Variants in HCK observed in about 807,000 individuals in gnomAD.
The protein encoded by HCK is tyrosine-protein kinase HCK.
Under a neutral mutation model 70.4 loss-of-function variants are expected in HCK, and 40 were observed. The observed-to-expected ratio is 0.57, with a 90% confidence interval of 0.44 to 0.74. HCK has a LOEUF of 0.74. Among genes scored for constraint, HCK ranks in the 30% least tolerant of loss-of-function variants. The pLI, the probability that HCK is intolerant of heterozygous loss-of-function variation, is 0.00. For missense variants in HCK, 568 were observed against 697.2 expected (o/e 0.81, Z 2.09); for synonymous variants, 245 against 263.2 (o/e 0.93, Z 0.67).
At chr20:32,052,668 G>T (rs1016599185) in intron 1 of HCK, among the ~76,000 whole-genome samples, 182 bp downstream of exon 1, 2 of 152,042 alleles carry the variant, frequency 1.3e-5, no homozygotes, top group African/African-American at 4.8e-5. Flanking sequence ...AGTGGAGGGT[G>T]CCCTAGGGAG....
rs113884718 is a variant in HCK at position 32,064,216 on chromosome 20, A to G, written c.63-7446A>G. ...GATGGGGTTTCACCATGTTGGACAA[A>G]CTCCTGACCTCTGGTGATCCACCTG... On this transcript the variant is annotated intron_variant, in intron 1 of 12. Coordinates refer to ENST00000375852, the MANE Select transcript of HCK (RefSeq NM_002110.5). Among the ~76,000 whole-genome samples the G allele has an allele frequency of 5.9e-3, 886 of 149,828 alleles. 11 individuals are homozygous for G. The highest frequency in any genetic ancestry group is 0.021 in the African/African-American group (852 of 40,866).
intron 11 of HCK, among the ~76,000 whole-genome samples, chr20:32,096,561 G>A (rs2045959260): frequency 6.6e-6 from 1 of 150,848 alleles, no homozygotes. Flanking sequence ...TAGTGGAGGG[G>A]TGAGATCATA....
At chr20:32,089,401 T>G (rs2045834376) in intron 10 of HCK, among the ~76,000 whole-genome samples, 1 of 152,218 alleles carries the variant, frequency 6.6e-6, no homozygotes, top group African/African-American at 2.4e-5. Flanking sequence ...TTAAGTGGCT[T>G]GCACAAGTTA....
rs1005592872 is a variant in HCK, at chr20:32,099,138, A to C, written c.1378+3A>C. 6 of 1,613,750 alleles carry C rather than the reference A, an allele frequency of 3.7e-6. No individual in the cohort carries two copies. The highest frequency in any genetic ancestry group is 1.3e-5 in the African/African-American group (1 of 74,880). ...CTACGGCCGGATCCCTTACCCAGGT[A>C]GGGAAGGGGCATCAGCTCAGGGCTG... is the stretch of plus-strand genomic sequence containing the variant. On this transcript the variant is annotated splice_donor_region_variant and intron_variant, in intron 12 of 12. Coordinates refer to ENST00000375852, the MANE Select transcript of HCK (RefSeq NM_002110.5).
intron 1 of HCK, among the ~76,000 whole-genome samples, chr20:32,065,996 A>G (rs1216269317): frequency 6.6e-6 from 1 of 152,140 alleles, no homozygotes; most frequent in Non-Finnish European, 1.5e-5. Context: ...GGGGACTGAG[A>G]TTCTGCATTT....
At chr20:32,098,337 A>T (rs547184260) in intron 11 of HCK, among the ~76,000 whole-genome samples, 18 of 152,174 alleles carry the variant, frequency 1.2e-4, no homozygotes, top group East Asian at 7.7e-4. Flanking sequence ...GGCCAAAAAA[A>T]TTTTTTTAAT....
chr20:32,072,944 T>C (rs1432998045), intron 2 of HCK, among the ~76,000 whole-genome samples: 2 of 151,738 alleles, frequency 1.3e-5, no homozygotes, highest in African/African-American at 2.4e-5. Flanking sequence ...CTACTAAAAA[T>C]ACAAAATTAG....
chr20:32,099,404 C>A (rs957579155), intron 12 of HCK, among the ~76,000 whole-genome samples: 32 of 134,674 alleles, frequency 2.4e-4, no homozygotes, highest in Admixed American at 1.7e-3. Context: ...GTCACCCAGG[C>A]TGGAGTGCAG....
In HCK at chr20:32,084,484, G is replaced by A. The variant is rs763893178; in HGVS notation, c.776G>A (p.Arg259Gln). The stretch of plus-strand genomic sequence containing the variant: ...GAGAAAGATGCCTGGGAGATCCCTC[G>A]GGAATCCCTCAAGCTGGAGAAGAAA... Residue 259 changes from arginine (R) to glutamine (Q), a missense_variant, in exon 8 of 13, where the codon CGG (arginine) becomes CAG (glutamine). Transcript: ENST00000375852. 20 of 1,613,948 alleles carry A rather than the reference G, an allele frequency of 1.2e-5. No homozygotes were observed. Among genetic ancestry groups the A allele is most frequent in the East Asian group, 4.5e-5 (2 of 44,882 alleles).
At chr20:32,099,188 G>C (rs1175435608) in intron 12 of HCK, 53 bp downstream of exon 12, 2 of 1,581,542 alleles carry the variant, frequency 1.3e-6, no homozygotes, top group African/African-American at 1.3e-5. Flanking sequence ...TCTGGCAATG[G>C]GCTCATCTCA....
intron 1 of HCK, chr20:32,054,251 A>G (rs929354820): frequency 2.2e-6 from 1 of 456,254 alleles, no homozygotes; most frequent in African/African-American, 2.0e-5. Flanking sequence ...TCCTTCCAGG[A>G]TGTGCCTCTG....
At chr20:32,072,034 G>C in intron 2 of HCK, 1 of 503,158 alleles carries the variant, frequency 2.0e-6, no homozygotes, top group Non-Finnish European at 3.5e-6. Context: ...AAACAGGTGT[G>C]AGTGAGCATC....
Position 32,052,361 on chromosome 20 carries a change from C to T in HCK, c.-64C>T. 8.5e-7 allele frequency: 1 copy of T among 1,177,256 alleles called. No individual in the cohort carries two copies. Among genetic ancestry groups the T allele is most frequent in the South Asian group, 3.1e-5 (1 of 31,774 alleles). The allele number at this position is 1,177,256 out of a possible 1,614,324, so 72.9% of individuals were successfully genotyped here. The stretch of plus-strand genomic sequence containing the variant: ...CCAAAGCCCCTCAGAGCGTCGCCCC[C>T]GCCTCTAGTTCTAGAAAGTCAGTTT... On this transcript the variant is annotated 5_prime_UTR_variant, in exon 1 of 13. Coordinates refer to ENST00000375852, the MANE Select transcript of HCK (RefSeq NM_002110.5).
intron 11 of HCK, among the ~76,000 whole-genome samples, chr20:32,094,374 C>T (rs947416715): frequency 3.9e-5 from 6 of 152,082 alleles, no homozygotes; most frequent in Admixed American, 1.3e-4. Flanking sequence ...TATAATACCA[C>T]GCAGTGATGA....
intron 5 of HCK, among the ~76,000 whole-genome samples, chr20:32,079,537 G>A (rs1600726697): frequency 6.6e-6 from 1 of 152,066 alleles, no homozygotes; most frequent in Non-Finnish European, 1.5e-5. Flanking sequence ...AATTGCATAG[G>A]CTTCAGTCTC....
chr20:32,059,279 T>TCTTCCTTCCTTC (rs11272727), intron 1 of HCK, among the ~76,000 whole-genome samples: 18,223 of 145,908 alleles, frequency 0.12, 1,965 homozygotes, highest in African/African-American at 0.28. Context: ...AATGTTTTAA[T>TCTTCCTTCCTTC]CTTCCTTCCT....
intron 1 of HCK, among the ~76,000 whole-genome samples, chr20:32,067,076 G>A (rs2045469877): frequency 6.6e-6 from 1 of 152,098 alleles, no homozygotes. Flanking sequence ...CATACACGTA[G>A]GCACATAAAT....
intron 6 of HCK, among the ~76,000 whole-genome samples, chr20:32,083,363 C>A (rs2045734120): frequency 1.3e-5 from 2 of 152,164 alleles, no homozygotes; most frequent in Non-Finnish European, 2.9e-5. Context: ...TTCAGCCTAC[C>A]ACAGCATGTT....
chr20:32,052,902 GGT>G (rs2122428668), intron 1 of HCK, among the ~76,000 whole-genome samples: 1 of 152,010 alleles, frequency 6.6e-6, no homozygotes, highest in South Asian at 2.1e-4. Flanking sequence ...GGTCACGCCG[GGT>G]TGGCAGCCAG....
Sources: allele counts gnomAD v4.1 joint callset (sites outside exome capture counted in the v4.1 genomes callset), GRCh38; gene constraint gnomAD v4.1.1; transcripts MANE v1.5; gene names NCBI Gene and HGNC (gene_info 2026-07-23, HGNC 2026-07-21).